RNLS: variants seen among roughly 807,000 people sequenced by gnomAD.
The protein encoded by RNLS is renalase.
Under a neutral mutation model 39.8 loss-of-function variants are expected in RNLS, and 39 were observed. The observed-to-expected ratio is 0.98, with a 90% CI of 0.76 to 1.28. The LOEUF (loss-of-function observed/expected upper bound fraction) is 1.28. RNLS is among the 50% of genes most tolerant of loss of function. The probability of loss-of-function intolerance (pLI) is 0.00; values close to 1 mark genes in which losing one functional copy is unlikely to be tolerated. For missense variants in RNLS, 410 were observed against 413.3 expected, an observed-to-expected ratio of 0.99 and a Z score of 0.07; for synonymous variants, 147 against 150.7, an observed-to-expected ratio of 0.98 and a Z score of 0.18.
At chr10:88,579,600 G>A (rs1850415397) in intron 3 of RNLS, among the ~76,000 whole-genome samples, 1 of 152,110 alleles carries the variant, frequency 6.6e-6, no homozygotes. Context: ...ATATCAGTTA[G>A]TAAGTACCTG....
At chr10:88,237,681 G>A in the RNLS span, among the ~76,000 whole-genome samples, 26 of 152,264 alleles carry the variant, frequency 1.7e-4, no homozygotes, top group East Asian at 1.7e-3. Flanking sequence ...TTTGTGTACT[G>A]CAAGCTTGGC....
the RNLS span, among the ~76,000 whole-genome samples, chr10:88,189,497 TAAAC>T: frequency 1.3e-5 from 2 of 151,138 alleles, no homozygotes; most frequent in Admixed American, 6.6e-5. Context: ...ACAATAATAA[TAAAC>T]AAAAAAAAAT....
At chr10:88,197,244 T>C in the RNLS span, among the ~76,000 whole-genome samples, 2 of 152,282 alleles carry the variant, frequency 1.3e-5, no homozygotes. Context: ...ACATAGTAAG[T>C]GTTAAATAAA....
the RNLS span, among the ~76,000 whole-genome samples, chr10:88,206,849 A>T: frequency 6.6e-6 from 1 of 152,168 alleles, no homozygotes; most frequent in Non-Finnish European, 1.5e-5. Context: ...ATGACCCTGA[A>T]CAAGACTGAC....
chr10:88,478,891 T>TTCTCTTTCTTTCTTTCTCTC, intron 4 of RNLS, among the ~76,000 whole-genome samples: 1 of 150,994 alleles, frequency 6.6e-6, no homozygotes, highest in Non-Finnish European at 1.5e-5. Flanking sequence ...CTTTCTTTCT[T>TTCTCTTTCTTTCTTTCTCTC]TCTCTTTCTT....
intron 4 of RNLS, among the ~76,000 whole-genome samples, chr10:88,570,821 T>C (rs1382484291): frequency 1.3e-5 from 2 of 152,190 alleles, no homozygotes; most frequent in Non-Finnish European, 2.9e-5. Flanking sequence ...ACAGGGCACT[T>C]CAGTCAGAAG....
the RNLS span, among the ~76,000 whole-genome samples, chr10:88,213,519 A>G: frequency 6.6e-6 from 1 of 151,970 alleles, no homozygotes. Context: ...GCTTTTTCTG[A>G]TCAGGGCAGA....
At chr10:88,559,557 A>G (rs1030357079) in intron 4 of RNLS, among the ~76,000 whole-genome samples, 24 of 152,082 alleles carry the variant, frequency 1.6e-4, no homozygotes, top group African/African-American at 5.6e-4. Flanking sequence ...CCAAATATAA[A>G]ATGAACATTT....
intron 5 of RNLS, among the ~76,000 whole-genome samples, chr10:88,328,063 A>G (rs1846769885): frequency 6.6e-6 from 1 of 151,774 alleles, no homozygotes; most frequent in South Asian, 2.1e-4. Context: ...GTGCACCACC[A>G]TACCCAGCTA....
At chr10:88,201,901 G>A in the RNLS span, among the ~76,000 whole-genome samples, 1,921 of 152,120 alleles carry the variant, frequency 0.013, 20 homozygotes, top group Non-Finnish European at 0.02. Flanking sequence ...ATCAGATAAA[G>A]CCATTTTTTG....
At chr10:88,575,567 C>T (rs1850151342) in intron 3 of RNLS, among the ~76,000 whole-genome samples, 1 of 152,052 alleles carries the variant, frequency 6.6e-6, no homozygotes, top group Non-Finnish European at 1.5e-5. Flanking sequence ...TATAGCCTCT[C>T]TTATTAACCA....
At chr10:88,259,576 G>A in the RNLS span, among the ~76,000 whole-genome samples, 7 of 152,132 alleles carry the variant, frequency 4.6e-5, no homozygotes, top group East Asian at 1.9e-4. Context: ...TGAGTGAGGC[G>A]GATCACTGCA....
At chr10:88,172,842 G>GTTGTTTTTTTTTT in the RNLS span, among the ~76,000 whole-genome samples, 2 of 43,778 alleles carry the variant, frequency 4.6e-5, no homozygotes, top group African/African-American at 1.2e-4. Flanking sequence ...ATTTTGAGTT[G>GTTGTTTTTTTTTT]TTTTTTTTTT....
At chr10:88,571,086 C>A (rs1163910410) in intron 4 of RNLS, among the ~76,000 whole-genome samples, 2 of 151,106 alleles carry the variant, frequency 1.3e-5, no homozygotes, top group African/African-American at 4.9e-5. Flanking sequence ...CAGGCTTAGG[C>A]AATTCCCCGC....
intron 4 of RNLS, among the ~76,000 whole-genome samples, chr10:88,530,818 TATA>T (rs1397678120): frequency 7.9e-5 from 12 of 152,264 alleles, no homozygotes; most frequent in African/African-American, 2.6e-4. Flanking sequence ...TCTGGCTAAA[TATA>T]ATGCCATGCT....
At chr10:88,174,839 GTTC>G in the RNLS span, among the ~76,000 whole-genome samples, 632 of 152,260 alleles carry the variant, frequency 4.2e-3, 6 homozygotes, top group African/African-American at 0.014. Flanking sequence ...ATTGATGTTA[GTTC>G]TTCTTTAAAA....
the RNLS span, among the ~76,000 whole-genome samples, chr10:88,180,947 G>A: frequency 5.9e-5 from 9 of 152,090 alleles, no homozygotes; most frequent in African/African-American, 2.2e-4. Flanking sequence ...TTCCATTTAA[G>A]TTCATGCATA....
At position 88,427,987 on chromosome 10, in the gene RNLS, ACT is replaced by A. The variant is rs536425490; in HGVS notation, c.527-65264_527-65263del. ...CTAGGAGACAGTAGAGTGGAAATCA[ACT>A]CTCTGTTTCTGTCAGAATTGTTATG... On this transcript the variant is annotated intron_variant, in intron 4 of 6. Coordinates refer to ENST00000331772, the MANE Select transcript of RNLS (RefSeq NM_001031709.3). Among the ~76,000 whole-genome samples, 52 of 151,908 alleles carry A rather than the reference ACT, an allele frequency of 3.4e-4. 1 individual carries two copies. The South Asian group carries it at 8.1e-3, about 24-fold the overall frequency.
the RNLS span, among the ~76,000 whole-genome samples, chr10:88,210,500 C>T: frequency 6.6e-6 from 1 of 152,206 alleles, no homozygotes; most frequent in Non-Finnish European, 1.5e-5. Context: ...CGACTCATGG[C>T]AGCTGGCTGG....
Sources: gnomAD v4.1 joint callset for allele counts (sites outside exome capture counted in the v4.1 genomes callset) on GRCh38, gnomAD v4.1.1 for gene constraint, MANE v1.5 for transcripts, NCBI Gene and HGNC (gene_info 2026-07-23, HGNC 2026-07-21) for gene names.